Variants in COL25A1 observed in about 807,000 individuals in gnomAD.
COL25A1 encodes collagen type XXV alpha 1 chain.
In COL25A1, 103 loss-of-function variants were observed where a neutral mutation model predicts 128.4. The ratio of observed to expected loss-of-function variants is 0.80; its 90% CI spans 0.68 to 0.94. The LOEUF (loss-of-function observed/expected upper bound fraction) is 0.94, where lower values mean the gene tolerates loss of function less well. Among genes scored for constraint, COL25A1 ranks in the 40% least tolerant of loss-of-function variants. The pLI is 0.00. For synonymous variants in COL25A1, 279 were observed against 277.2 expected (o/e 1.01, Z -0.06); for missense variants, 745 against 840.0 (o/e 0.89, Z 1.40).
intron 19 of COL25A1, among the ~76,000 whole-genome samples, chr4:108,881,007 A>G (rs1323038304): frequency 6.6e-6 from 1 of 152,202 alleles, no homozygotes; most frequent in Non-Finnish European, 1.5e-5. Flanking sequence ...CAATGTCTAC[A>G]TGGTACATTG....
chr4:109,125,461 C>G (rs1385791194), intron 3 of COL25A1, among the ~76,000 whole-genome samples: 1 of 152,122 alleles, frequency 6.6e-6, no homozygotes, highest in Non-Finnish European at 1.5e-5. Context: ...CACACTGAAC[C>G]AGCTCTGAAT....
chr4:109,018,911 G>A (rs1177272950), intron 5 of COL25A1, among the ~76,000 whole-genome samples: 3 of 152,112 alleles, frequency 2.0e-5, no homozygotes, highest in Admixed American at 6.5e-5. Flanking sequence ...CATCAGTGTT[G>A]AAAAGGAAGT....
At chr4:108,821,003 T>C (rs1004052634) in intron 35 of COL25A1, among the ~76,000 whole-genome samples, 9 of 152,172 alleles carry the variant, frequency 5.9e-5, no homozygotes, top group Non-Finnish European at 1.3e-4. Context: ...CAAAATACTA[T>C]ACAATACATA....
chr4:109,122,957 C>T (rs1042794607), intron 3 of COL25A1, among the ~76,000 whole-genome samples: 4 of 152,006 alleles, frequency 2.6e-5, no homozygotes, highest in African/African-American at 7.2e-5. Context: ...CTGTGCTGTT[C>T]AGCACTAATC....
At chr4:108,871,891 A>G (rs1738762079) in intron 19 of COL25A1, among the ~76,000 whole-genome samples, 1 of 152,120 alleles carries the variant, frequency 6.6e-6, no homozygotes, top group Middle Eastern at 3.2e-3. Context: ...GACTTCAAAA[A>G]CAATTGTTGA....
intron 3 of COL25A1, among the ~76,000 whole-genome samples, chr4:109,186,700 T>C (rs183436912): frequency 1.1e-4 from 16 of 152,334 alleles, no homozygotes; most frequent in African/African-American, 3.6e-4. Flanking sequence ...AAAATGTAGA[T>C]TTCCCCACCT....
rs997266732 is a variant in COL25A1 at position 109,081,023 on chromosome 4, G to A, written c.368-30844C>T. 4.6e-5 allele frequency among the ~76,000 whole-genome samples: 7 copies of A among 152,152 alleles called. No individual in the cohort carries two copies. In the South Asian group the frequency reaches 8.3e-4, roughly 18 times the overall value. ...AAGTTTCAGAGAATAAATAACCTGC[G>A]CAAGGTCACATTGCTGGCGAGTAGG... On this transcript the variant is annotated intron_variant, in intron 3 of 37. Coordinates refer to ENST00000399132, the MANE Select transcript of COL25A1 (RefSeq NM_198721.4).
chr4:108,884,202 C>G lies in COL25A1; in HGVS notation c.996G>C (p.Gly332=). Reference sequence around the variant, plus strand: ...CCTTTATCCCCGGAAGTCCAGGAAGCCCAGGAAGCCCTGGTTCACCCTACA... The same window carrying G: ...CCTTTATCCCCGGAAGTCCAGGAAGGCCAGGAAGCCCTGGTTCACCCTACA... ...PGQKGEPGLP[G]LPGLPGIKGE... The change falls in exon 19 of 38, where the codon GGG becomes GGC. Residue 332 remains glycine (G), a synonymous_variant. Transcript: ENST00000399132. 6.2e-7 allele frequency: 1 copy of G among 1,613,670 alleles called. No homozygotes were observed. The highest frequency in any genetic ancestry group is 8.5e-7 in the Non-Finnish European group (1 of 1,179,758).
At chr4:108,923,521 T>G (rs562057171) in intron 11 of COL25A1, among the ~76,000 whole-genome samples, 30 of 152,172 alleles carry the variant, frequency 2.0e-4, no homozygotes, top group African/African-American at 6.5e-4. Context: ...AAGTTTTTAA[T>G]GTTTTGTAGA....
chr4:108,948,784 A>G (rs1412363849), intron 8 of COL25A1, among the ~76,000 whole-genome samples: 1 of 152,214 alleles, frequency 6.6e-6, no homozygotes, highest in African/African-American at 2.4e-5. Context: ...GTATGAACAA[A>G]TATCATTAAA....
intron 8 of COL25A1, among the ~76,000 whole-genome samples, chr4:108,968,896 T>A (rs1751613547): frequency 1.3e-5 from 2 of 152,274 alleles, no homozygotes; most frequent in Middle Eastern, 3.4e-3. Context: ...TTTAGCCCTA[T>A]CTTTGTCTTC....
In COL25A1 at chr4:109,050,098, A is replaced by T. The variant is rs139160247; in HGVS notation, c.412+37T>A. 57 of 1,577,408 alleles carry T rather than the reference A, an allele frequency of 3.6e-5. No homozygotes were observed. In the African/African-American group the frequency reaches 7.0e-4, roughly 19 times the overall value. On this transcript the variant is annotated intron_variant, in intron 4 of 37. Transcript: ENST00000399132. ...GAACAGATGCCGGAACTTAACCAGA[A>T]CATGAGTGACACAGAGCAGCTGAAA...
chr4:108,980,847 G>T (rs1037415864), intron 6 of COL25A1, among the ~76,000 whole-genome samples: 1 of 152,188 alleles, frequency 6.6e-6, no homozygotes, highest in Non-Finnish European at 1.5e-5. Flanking sequence ...CAACCTCAAT[G>T]GTCACCGCAC....
At position 108,813,471 on chromosome 4, in the gene COL25A1, T is replaced by C. The variant is rs1730969141; in HGVS notation, c.*456A>G. ...TTTCAATGGGTGGTGTAGGTATGAG[T>C]CAACGCCGACATGAAAGGTGAATGG... On this transcript the variant is annotated 3_prime_UTR_variant, in exon 38 of 38. Coordinates refer to ENST00000399132, the MANE Select transcript of COL25A1 (RefSeq NM_198721.4). 1 of 156,060 alleles carries C rather than the reference T, an allele frequency of 6.4e-6. No homozygotes were observed. The highest frequency in any genetic ancestry group is 2.4e-5 in the African/African-American group (1 of 41,496). The allele number at this position is 156,060 out of a possible 1,614,324, so 9.7% of individuals were successfully genotyped here.
rs549700077 is a variant in COL25A1 at position 109,301,824 on chromosome 4, G to A, written c.196C>T (p.Leu66Phe). 5.0e-6 allele frequency: 8 copies of A among 1,614,250 alleles called. No homozygotes were observed. In the East Asian group the frequency reaches 1.8e-4, roughly 36 times the overall value. Residue 66 changes from leucine to phenylalanine, a missense_variant, in exon 2 of 38, where the codon CTC (leucine) becomes TTC (phenylalanine). By Grantham distance (22) the Leu-to-Phe change is conservative (BLOSUM62 0). This residue lies in a region of COL25A1 where 319 missense variants were observed against 324.9 expected (regional missense o/e 0.98). Coordinates refer to ENST00000399132, the MANE Select transcript of COL25A1 (RefSeq NM_198721.4). The part of the protein sequence containing the change: ...TNDLQARIAA[L>F]ESAKGAPSIH... ...GAAGGGGCCCCTTTGGCGGATTCGA[G>A]AGCGGCGATCCTCGCCTGGAGGTCG...
intron 2 of COL25A1, among the ~76,000 whole-genome samples, chr4:109,301,460 C>T (rs186907303): frequency 9.9e-4 from 151 of 152,218 alleles, no homozygotes; most frequent in South Asian, 3.5e-3. Flanking sequence ...CTTTCCGAAC[C>T]CTTTTAGACC....
intron 8 of COL25A1, among the ~76,000 whole-genome samples, chr4:108,966,202 T>G (rs997543318): frequency 2.0e-5 from 3 of 152,202 alleles, no homozygotes; most frequent in Admixed American, 6.5e-5. Flanking sequence ...TACTATGTGG[T>G]GATCATTCAT....
chr4:109,028,855 T>G (rs2125912358), intron 5 of COL25A1, among the ~76,000 whole-genome samples: 1 of 152,056 alleles, frequency 6.6e-6, no homozygotes, highest in South Asian at 2.1e-4. Flanking sequence ...AGAGAAAGTG[T>G]TTCAAGAAGA....
intron 3 of COL25A1, among the ~76,000 whole-genome samples, chr4:109,229,583 T>C (rs1221879900): frequency 1.3e-5 from 2 of 152,220 alleles, no homozygotes. Flanking sequence ...AGTTAAGCAC[T>C]GTGTTTGAAC....
Sources: gnomAD v4.1 joint callset for allele counts (sites outside exome capture counted in the v4.1 genomes callset) on GRCh38, gnomAD v4.1.1 for gene constraint, gnomAD v4.1.1 regional missense constraint, MANE v1.5 for transcripts, NCBI Gene and HGNC (gene_info 2026-07-23, HGNC 2026-07-21) for gene names.